CLVS1: variants seen among roughly 807,000 people sequenced by gnomAD.
The protein encoded by CLVS1 is clavesin 1.
CLVS1 carries 10 observed loss-of-function variants against 33.1 expected under a neutral mutation model. The ratio of observed to expected loss-of-function variants is 0.30; its 90% CI spans 0.19 to 0.51. The LOEUF is 0.51. Ranked by LOEUF, CLVS1 falls within the 20% of genes least tolerant of loss-of-function variation. The pLI, the probability that CLVS1 is intolerant of heterozygous loss-of-function variation, is 0.97. For synonymous variants in CLVS1, 163 were observed against 166.1 expected, an observed-to-expected ratio of 0.98 and a Z score of 0.14; for missense variants, 343 against 433.4, an observed-to-expected ratio of 0.79 and a Z score of 1.85.
At chr8:61,428,263 T>C (rs1186218925) in intron 3 of CLVS1, among the ~76,000 whole-genome samples, 1 of 152,192 alleles carries the variant, frequency 6.6e-6, no homozygotes, top group Non-Finnish European at 1.5e-5. Flanking sequence ...AGGATGCCCA[T>C]TGATAACTAA....
At chr8:61,370,914 G>T (rs1813412603) in intron 2 of CLVS1, among the ~76,000 whole-genome samples, 1 of 152,074 alleles carries the variant, frequency 6.6e-6, no homozygotes, top group South Asian at 2.1e-4. Context: ...GGACATTTGG[G>T]CTGATTCCAT....
chr8:61,452,777 G>C (rs1023393449), intron 3 of CLVS1, among the ~76,000 whole-genome samples: 1 of 152,172 alleles, frequency 6.6e-6, no homozygotes, highest in African/African-American at 2.4e-5. Flanking sequence ...GTCCAGTTTA[G>C]CCTTCAAAAT....
At chr8:61,350,544 A>G (rs1812411778) in intron 2 of CLVS1, among the ~76,000 whole-genome samples, 1 of 152,160 alleles carries the variant, frequency 6.6e-6, no homozygotes, top group Non-Finnish European at 1.5e-5. Context: ...TACCCTGAAG[A>G]TAAGGTAATG....
At chr8:61,329,785 T>C (rs568076049) in intron 2 of CLVS1, among the ~76,000 whole-genome samples, 6 of 152,328 alleles carry the variant, frequency 3.9e-5, no homozygotes, top group African/African-American at 1.4e-4. Context: ...TTCCTTTAAG[T>C]AAAAACCTAT....
intron 2 of CLVS1, among the ~76,000 whole-genome samples, chr8:61,312,482 G>GT (rs748023999): frequency 1.3e-5 from 2 of 152,148 alleles, no homozygotes; most frequent in African/African-American, 4.8e-5. Context: ...GTGATGTGTT[G>GT]TTTTTTCTTT....
At chr8:61,387,881 G>C (rs1814150659) in intron 3 of CLVS1, among the ~76,000 whole-genome samples, 1 of 152,182 alleles carries the variant, frequency 6.6e-6, no homozygotes, top group Non-Finnish European at 1.5e-5. Context: ...GTTGATTGAA[G>C]GACATTTGGG....
chr8:61,023,873 G>C, the CLVS1 span, among the ~76,000 whole-genome samples: 1 of 152,230 alleles, frequency 6.6e-6, no homozygotes, highest in South Asian at 2.1e-4. Context: ...AAGTCGCAGG[G>C]AGAAGCCGGA....
chr8:61,463,076 A>G (rs1316176968), intron 5 of CLVS1, among the ~76,000 whole-genome samples: 1 of 152,202 alleles, frequency 6.6e-6, no homozygotes, highest in Non-Finnish European at 1.5e-5. Context: ...CATCTTCTAT[A>G]TCATCACTTG....
the CLVS1 span, among the ~76,000 whole-genome samples, chr8:61,019,903 T>G: frequency 5.3e-5 from 8 of 152,198 alleles, no homozygotes; most frequent in Non-Finnish European, 1.0e-4. Context: ...CTGTGAGAGC[T>G]AAACAATTTC....
the CLVS1 span, among the ~76,000 whole-genome samples, chr8:60,977,728 T>C: frequency 6.6e-6 from 1 of 152,160 alleles, no homozygotes; most frequent in Non-Finnish European, 1.5e-5. Context: ...TTTCCAGATG[T>C]AGAAGAAAGA....
intron 2 of CLVS1, among the ~76,000 whole-genome samples, chr8:61,220,478 G>C (rs1004026301): frequency 3.3e-5 from 5 of 152,124 alleles, no homozygotes; most frequent in African/African-American, 4.8e-5. Context: ...TAGATGAGTG[G>C]TGTTATTTCT....
chr8:60,983,534 A>G, the CLVS1 span, among the ~76,000 whole-genome samples: 1 of 152,280 alleles, frequency 6.6e-6, no homozygotes, highest in African/African-American at 2.4e-5. Context: ...TCTGTCCTAG[A>G]CACTAACCAG....
chr8:61,223,986 G>A lies in CLVS1; in HGVS notation c.-151-75691G>A, dbSNP rs547240645. ...TGGTTAATACTTATGTATGCTTCAC[G>A]AAGTTCTCGTGCTATGTTTTTCAGC... On this transcript the variant is annotated intron_variant, in intron 2 of 2. Transcript: ENST00000522621. Among the ~76,000 whole-genome samples the A allele has an allele frequency of 1.7e-4, 26 of 152,068 alleles. No individual in the cohort carries two copies. In the East Asian group the frequency reaches 1.7e-3, roughly 10 times the overall value.
chr8:61,428,615 C>A (rs1159504037), intron 3 of CLVS1, among the ~76,000 whole-genome samples: 1 of 152,202 alleles, frequency 6.6e-6, no homozygotes, highest in Non-Finnish European at 1.5e-5. Context: ...TAGAAAAAGG[C>A]ACATTCCTCC....
At chr8:61,114,878 CA>C (rs905050980) in intron 1 of CLVS1, among the ~76,000 whole-genome samples, 23 of 152,132 alleles carry the variant, frequency 1.5e-4, no homozygotes, top group African/African-American at 5.5e-4. Flanking sequence ...AATATAACAA[CA>C]AAAAGCTTCC....
At chr8:61,219,185 T>G (rs1029073547) in intron 2 of CLVS1, among the ~76,000 whole-genome samples, 6 of 152,182 alleles carry the variant, frequency 3.9e-5, no homozygotes, top group Non-Finnish European at 7.3e-5. Context: ...TCTTTATTTC[T>G]TCTTTTAGAA....
In CLVS1 at chr8:61,123,201, G is replaced by A. The variant is rs113571942; in HGVS notation, c.-242-8569G>A. Among the ~76,000 whole-genome samples, 154 of 142,796 alleles carry A rather than the reference G, an allele frequency of 1.1e-3. 19 individuals are homozygous for A. Among genetic ancestry groups the A allele is most frequent in the African/African-American group, 3.2e-3 (126 of 39,232 alleles). The allele number at this position is 142,796 out of a possible 152,430, so 93.7% of individuals were successfully genotyped here. On this transcript the variant is annotated intron_variant, in intron 1 of 2. Transcript: ENST00000522621. Reference sequence around the variant, plus strand: ...GGAGAATCACTTGAACTCGGGAGGCGGAGGTTGCGCTGAGCCGAGATCGCA... The same window carrying A: ...GGAGAATCACTTGAACTCGGGAGGCAGAGGTTGCGCTGAGCCGAGATCGCA...
chr8:61,020,481 G>A, the CLVS1 span, among the ~76,000 whole-genome samples: 1 of 152,254 alleles, frequency 6.6e-6, no homozygotes, highest in African/African-American at 2.4e-5. Flanking sequence ...GCCCCTGAGA[G>A]GGAGGGTGTG....
intron 2 of CLVS1, among the ~76,000 whole-genome samples, chr8:61,149,771 A>G (rs1245859766): frequency 6.6e-6 from 1 of 152,112 alleles, no homozygotes; most frequent in East Asian, 1.9e-4. Context: ...GGATATTTTC[A>G]AAGAGAGTAT....
Sources: allele counts gnomAD v4.1 joint callset (sites outside exome capture counted in the v4.1 genomes callset), GRCh38; gene constraint gnomAD v4.1.1; transcripts MANE v1.5; gene names NCBI Gene and HGNC (gene_info 2026-07-23, HGNC 2026-07-21).